ZFX: variants seen among roughly 807,000 people sequenced by gnomAD.
The protein encoded by ZFX is zinc finger X-chromosomal protein.
For synonymous variants in ZFX, 196 were observed against 226.8 expected, an observed-to-expected ratio of 0.86 and a Z score of 1.22; for missense variants, 362 against 628.3, an observed-to-expected ratio of 0.58 and a Z score of 4.53.
At position 24,214,143 on chromosome X, in the gene ZFX, TAAAAC is replaced by T. The variant is rs1356213912; in HGVS notation, c.*2770_*2774del. On this transcript the variant is annotated 3_prime_UTR_variant, in exon 10 of 10. Coordinates refer to ENST00000304543, the MANE Select transcript of ZFX (RefSeq NM_003410.4). ...TTAGTTACAACCTAGTTTTAATTCT[TAAAAC>T]AATTTTGATTAGCAAAGCTAAAAAA... The T allele has an allele frequency of 2.7e-5, 3 of 111,921 alleles. No homozygotes were observed. Among genetic ancestry groups the T allele is most frequent in the African/African-American group, 9.8e-5 (3 of 30,753 alleles). The allele number at this position is 111,921 out of a possible 1,213,427, so 9.2% of individuals were successfully genotyped here. A position where few individuals can be genotyped will look rare whatever the true frequency, so the allele number is the denominator to read the frequency against.
chrX:24,197,431 C>T (rs1298298738), intron 5 of ZFX, among the ~76,000 whole-genome samples: 1 of 111,417 alleles, frequency 9.0e-6, no homozygotes, highest in Admixed American at 9.5e-5. Context: ...AGAGAAGCAA[C>T]AATAAGAAAA....
chrX:24,211,447 C>T lies in ZFX; in HGVS notation c.*71C>T. On this transcript the variant is annotated 3_prime_UTR_variant, in exon 10 of 10. Transcript: ENST00000304543. ...AAAATTCATTTTAAAGCCAATCAGT[C>T]TCATTCACATACAATACTGTATATT... The T allele has an allele frequency of 3.8e-6, 4 of 1,065,413 alleles. No individual in the cohort carries two copies. In the South Asian group the frequency reaches 8.2e-5, roughly 22 times the overall value. 87.8% of individuals were successfully genotyped at this position (1,065,413 alleles called of 1,213,427 possible).
intron 5 of ZFX, among the ~76,000 whole-genome samples, chrX:24,198,188 C>A (rs888983373): frequency 9.0e-6 from 1 of 111,454 alleles, no homozygotes; most frequent in East Asian, 2.8e-4. Flanking sequence ...AATATGGATG[C>A]TTTTATAATA....
chrX:24,184,547 T>G lies in ZFX; in HGVS notation c.646+4777T>G, dbSNP rs762882279. ...CAATTTACTCAGCATATCAGGTTCT[T>G]GTATTACAGAATTTGTAATACAAGA... On this transcript the variant is annotated intron_variant, in intron 5 of 9. Coordinates refer to ENST00000304543, the MANE Select transcript of ZFX (RefSeq NM_003410.4). Among the ~76,000 whole-genome samples, 23 of 110,911 alleles carry G rather than the reference T, an allele frequency of 2.1e-4. No individual in the cohort carries two copies. In the South Asian group the frequency reaches 8.8e-3, roughly 42 times the overall value.
Position 24,179,597 on chromosome X carries a change from A to T in ZFX, c.473A>T (p.His158Leu), listed in dbSNP as rs757447884. The change falls in exon 5 of 10, where the codon CAT becomes CTT. Residue 158 changes from histidine (H) to leucine (L), a missense_variant. By Grantham distance (99) the His-to-Leu change is moderately conservative. Coordinates refer to ENST00000304543, the MANE Select transcript of ZFX (RefSeq NM_003410.4). Reference protein sequence around the residue: ...GHVGHVEHVVHDSVVEAEIVT... With the variant: ...GHVGHVEHVVLDSVVEAEIVT... ...GTTGGACATGTTGAACATGTGGTTC[A>T]TGATAGTGTAGTGGAAGCAGAAATT... The T allele has an allele frequency of 8.3e-7, 1 of 1,210,467 alleles. No homozygotes were observed. The highest frequency in any genetic ancestry group is 1.7e-5 in the African/African-American group (1 of 57,220).
intron 3 of ZFX, among the ~76,000 whole-genome samples, chrX:24,170,936 T>G (rs1433710203): frequency 8.9e-6 from 1 of 112,162 alleles, no homozygotes; most frequent in African/African-American, 3.2e-5. Context: ...TGAAACAGTT[T>G]GAATAAATAA....
At chrX:24,163,258 CTTTTTTTTTTT>C (rs57785204) in intron 3 of ZFX, among the ~76,000 whole-genome samples, 1 of 48,163 alleles carries the variant, frequency 2.1e-5, no homozygotes, top group Non-Finnish European at 3.7e-5. Flanking sequence ...CATGGATGTG[CTTTTTTTTTTT>C]TTTTTTTTTT....
At chrX:24,177,954 CAG>C in intron 4 of ZFX, 2 of 522,923 alleles carry the variant, frequency 3.8e-6, no homozygotes, top group Non-Finnish European at 4.7e-6. Flanking sequence ...GACTTAGAGA[CAG>C]AGTCTTGCTC....
intron 3 of ZFX, among the ~76,000 whole-genome samples, chrX:24,164,941 A>G (rs1203242653): frequency 3.0e-5 from 3 of 98,620 alleles, no homozygotes; most frequent in Middle Eastern, 5.1e-3. Context: ...ACTCCGTCTG[A>G]AAAAAAAAAA....
intron 5 of ZFX, among the ~76,000 whole-genome samples, chrX:24,185,118 A>C (rs1297974892): frequency 1.8e-5 from 2 of 111,381 alleles, no homozygotes; most frequent in African/African-American, 6.5e-5. Flanking sequence ...CACCCGCCTA[A>C]TTTTTACATT....
intron 5 of ZFX, among the ~76,000 whole-genome samples, chrX:24,194,734 C>T (rs1280864582): frequency 9.1e-6 from 1 of 109,403 alleles, no homozygotes; most frequent in Admixed American, 9.8e-5. Context: ...ATCAATTAGC[C>T]TACAGTAAAA....
chrX:24,150,603 C>T (rs1001187892), intron 1 of ZFX: 9 of 113,311 alleles, frequency 7.9e-5, no homozygotes, highest in Non-Finnish European at 1.5e-4. Context: ...CCCTCAGCGC[C>T]CCTGGCCCTG....
chrX:24,181,899 G>A (rs115112003), intron 5 of ZFX, among the ~76,000 whole-genome samples: 2,805 of 111,637 alleles, frequency 0.025, 82 homozygotes, highest in African/African-American at 0.086. Flanking sequence ...TTAAGTGAGG[G>A]AGAGATTAGT....
At chrX:24,151,636 T>G (rs1932150298) in intron 1 of ZFX, 55 bp from the exon 2 acceptor site, 1 of 110,784 alleles carries the variant, frequency 9.0e-6, no homozygotes, top group South Asian at 3.8e-4. Context: ...ACTAGAAGAG[T>G]GATGGCACAC....
upstream of ZFX, chrX:24,149,030 C>CA (rs1321709436): frequency 4.5e-5 from 5 of 111,063 alleles, no homozygotes; most frequent in Admixed American, 4.8e-4. Context: ...CTTCTCCCCC[C>CA]ACTCCACCCC....
At chrX:24,205,329 TG>T (rs1220287282) in intron 5 of ZFX, among the ~76,000 whole-genome samples, 2 of 112,088 alleles carry the variant, frequency 1.8e-5, no homozygotes, top group Non-Finnish European at 3.8e-5. Context: ...TAAATTGTAT[TG>T]GGTGCTAACT....
chrX:24,163,364 G>GTTTTTTTTTTTTTTTTT (rs66467960), intron 3 of ZFX, among the ~76,000 whole-genome samples: 1 of 19,049 alleles, frequency 5.2e-5, no homozygotes, highest in African/African-American at 2.3e-4. Flanking sequence ...TTTTTGTTAG[G>GTTTTTTTTTTTTTTTTT]TTTTTTTTTT....
chrX:24,208,344 T>C lies in ZFX; in HGVS notation c.1067T>C (p.Met356Thr). The change falls in exon 8 of 10, where the codon ATG (methionine) becomes ACG (threonine). Residue 356 changes from methionine to threonine, a missense_variant. Physicochemically the swap from Met to Thr is moderately conservative, Grantham distance 81 (BLOSUM62 -1). Coordinates refer to ENST00000304543, the MANE Select transcript of ZFX (RefSeq NM_003410.4). ...QMDDNEIKTFMPIAWAAAYGN... is the reference protein window; with the variant it reads ...QMDDNEIKTFTPIAWAAAYGN... ...GATGACAATGAAATCAAAACCTTCA[T>C]GCCGATTGCATGGGCAGCAGCTTAT... 8.3e-7 allele frequency: 1 copy of C among 1,210,586 alleles called. No individual in the cohort carries two copies. Among genetic ancestry groups the C allele is most frequent in the Non-Finnish European group, 1.1e-6 (1 of 895,209 alleles).
rs1932186489 is a variant in ZFX at position 24,151,807 on chromosome X, A to G, written c.-140+7A>G. The G allele has an allele frequency of 8.9e-6, 1 of 111,957 alleles. No individual in the cohort carries two copies. Among genetic ancestry groups the G allele is most frequent in the Admixed American group, 9.4e-5 (1 of 10,590 alleles). 9.2% of individuals were successfully genotyped at this position (111,957 alleles called of 1,213,427 possible). On this transcript the variant is annotated splice_region_variant and intron_variant, in intron 2 of 9. Transcript: ENST00000304543. ...CCCTGAGCTGTGCTTTACGGTACTT[A>G]GTAGTTCCATTGGACTAGGAAAAGT...
Sources: gnomAD v4.1 joint callset for allele counts (sites outside exome capture counted in the v4.1 genomes callset) on GRCh38, gnomAD v4.1.1 for gene constraint, MANE v1.5 for transcripts, NCBI Gene and HGNC (gene_info 2026-07-23, HGNC 2026-07-21) for gene names.